The following PPFIBP2 variants were observed in gnomAD, a reference collection of about 807,000 sequenced individuals.
PPFIBP2 encodes the protein PPFIB scaffold protein 2.
A neutral mutation model predicts 118.3 loss-of-function variants in PPFIBP2; 118 were observed. The observed-to-expected ratio is 1.00, with a 90% confidence interval of 0.86 to 1.16. PPFIBP2 has a LOEUF of 1.16. Among genes scored for constraint, PPFIBP2 ranks in the 50% most tolerant of loss-of-function variants. The pLI is 0.00. For synonymous variants in PPFIBP2, 414 were observed against 397.4 expected, an observed-to-expected ratio of 1.04 and a Z score of -0.50; for missense variants, 1,195 against 1,073.1, an observed-to-expected ratio of 1.11 and a Z score of -1.59.
intron 1 of PPFIBP2, among the ~76,000 whole-genome samples, chr11:7,540,869 A>G (rs747418962): frequency 5.9e-5 from 9 of 152,232 alleles, no homozygotes; most frequent in Non-Finnish European, 1.3e-4. Flanking sequence ...AGCTGTAGGC[A>G]TGGGCATAAA....
downstream of PPFIBP2, chr11:7,656,931 CA>C: frequency 1.7e-6 from 1 of 597,060 alleles, no homozygotes; most frequent in South Asian, 1.6e-5. Flanking sequence ...AGGCTGCTGA[CA>C]GGCATGAAGC....
intron 2 of PPFIBP2, among the ~76,000 whole-genome samples, chr11:7,559,975 T>C (rs767704183): frequency 5.3e-5 from 8 of 152,228 alleles, no homozygotes; most frequent in Non-Finnish European, 1.0e-4. Flanking sequence ...TGTTTGTTCA[T>C]TGTGGGTAAG....
At chr11:7,524,040 CA>C (rs1225269561) in intron 1 of PPFIBP2, among the ~76,000 whole-genome samples, 3 of 152,174 alleles carry the variant, frequency 2.0e-5, no homozygotes, top group Non-Finnish European at 2.9e-5. Context: ...CAAACTTCTC[CA>C]AGTTGCTTCT....
At chr11:7,638,862 T>C (rs1348375412) in intron 14 of PPFIBP2, among the ~76,000 whole-genome samples, 2 of 152,218 alleles carry the variant, frequency 1.3e-5, no homozygotes, top group Non-Finnish European at 2.9e-5. Flanking sequence ...GACCTTTCCA[T>C]GGCCAGGGTC....
chr11:7,602,237 C>G (rs767417460), intron 5 of PPFIBP2, among the ~76,000 whole-genome samples: 2 of 152,130 alleles, frequency 1.3e-5, no homozygotes, highest in Non-Finnish European at 2.9e-5. Flanking sequence ...GGTCCTTAAG[C>G]AGATCAAGGC....
chr11:7,628,804 A>T (rs1850366511), intron 9 of PPFIBP2, among the ~76,000 whole-genome samples: 1 of 152,208 alleles, frequency 6.6e-6, no homozygotes, highest in Non-Finnish European at 1.5e-5. Context: ...AGCCACCTCT[A>T]TAAATAAAGA....
intron 7 of PPFIBP2, among the ~76,000 whole-genome samples, chr11:7,624,607 CTTTG>C (rs1397608956): frequency 1.7e-4 from 26 of 152,198 alleles, no homozygotes; most frequent in African/African-American, 6.0e-4. Context: ...GAGGAGAAGC[CTTTG>C]CTGTCTTTTA....
chr11:7,569,310 G>A (rs1321440893), intron 3 of PPFIBP2, among the ~76,000 whole-genome samples: 1 of 152,226 alleles, frequency 6.6e-6, no homozygotes, highest in African/African-American at 2.4e-5. Context: ...GCCTGGAGAT[G>A]GGTATAAAAC....
intron 5 of PPFIBP2, among the ~76,000 whole-genome samples, chr11:7,608,752 G>T (rs549271383): frequency 6.6e-6 from 1 of 152,314 alleles, no homozygotes; most frequent in South Asian, 2.1e-4. Context: ...CTGTCAAATT[G>T]GGATAATATT....
At chr11:7,547,657 C>T (rs1336774643) in intron 1 of PPFIBP2, among the ~76,000 whole-genome samples, 2 of 152,072 alleles carry the variant, frequency 1.3e-5, no homozygotes, top group East Asian at 1.9e-4. Context: ...CCTCTCACCT[C>T]GGAGCAGCTC....
chr11:7,561,156 C>T (rs894788400), intron 2 of PPFIBP2, among the ~76,000 whole-genome samples: 4 of 152,222 alleles, frequency 2.6e-5, no homozygotes, highest in Non-Finnish European at 5.9e-5. Flanking sequence ...CAACCTCTGC[C>T]TCCCAGGTTC....
intron 1 of PPFIBP2, among the ~76,000 whole-genome samples, chr11:7,546,869 CTG>C (rs554461466): frequency 8.3e-4 from 127 of 152,350 alleles, no homozygotes; most frequent in African/African-American, 2.8e-3. Flanking sequence ...ATACCTTGCA[CTG>C]TGTCATAATT....
chr11:7,647,705 T>C (rs1160117088), intron 17 of PPFIBP2, among the ~76,000 whole-genome samples: 1 of 152,246 alleles, frequency 6.6e-6, no homozygotes, highest in Non-Finnish European at 1.5e-5. Context: ...CTGAGCTTTC[T>C]TGGGTTTTCT....
chr11:7,540,793 A>C (rs1851697888), intron 1 of PPFIBP2, among the ~76,000 whole-genome samples: 1 of 152,198 alleles, frequency 6.6e-6, no homozygotes, highest in African/African-American at 2.4e-5. Flanking sequence ...GGGAGATCCC[A>C]TTTAGGTAGT....
chr11:7,523,337 T>A (rs935939313), intron 1 of PPFIBP2, among the ~76,000 whole-genome samples: 1 of 152,116 alleles, frequency 6.6e-6, no homozygotes, highest in African/African-American at 2.4e-5. Flanking sequence ...AAGAGCCAGG[T>A]TTATGAATGT....
the PPFIBP2 span, chr11:7,666,032 G>A: frequency 3.3e-6 from 3 of 897,142 alleles, no homozygotes; most frequent in Non-Finnish European, 5.3e-6. Context: ...TGTCTGGGCT[G>A]CAGCAGCTGT....
At chr11:7,585,371 A>G (rs1411970421) in intron 3 of PPFIBP2, among the ~76,000 whole-genome samples, 3 of 151,844 alleles carry the variant, frequency 2.0e-5, no homozygotes, top group African/African-American at 7.3e-5. Context: ...GTTTTCCCAC[A>G]CTCCTTACTT....
At chr11:7,631,117 A>G (rs1316335308) in intron 11 of PPFIBP2, 89 bp downstream of exon 11, 3 of 954,092 alleles carry the variant, frequency 3.1e-6, no homozygotes, top group Non-Finnish European at 3.4e-6. Flanking sequence ...GACACGTGTC[A>G]GGTGCACATC....
intron 1 of PPFIBP2, chr11:7,539,048 C>G (rs1851509590): frequency 6.6e-6 from 1 of 152,250 alleles, no homozygotes; most frequent in African/African-American, 2.4e-5. Context: ...CATGCTTGTT[C>G]ACCTTCAGTG....
Sources: allele counts gnomAD v4.1 joint callset (sites outside exome capture counted in the v4.1 genomes callset), GRCh38; gene constraint gnomAD v4.1.1; transcripts MANE v1.5; gene names NCBI Gene and HGNC (gene_info 2026-07-23, HGNC 2026-07-21).